The following HERC2 variants were observed in gnomAD, a reference collection of about 807,000 sequenced individuals.
HERC2 encodes the protein E3 ubiquitin-protein ligase HERC2.
In HERC2, 102 loss-of-function variants were observed where a neutral mutation model predicts 537.7. That is an observed-to-expected ratio of 0.19 (90% CI 0.16 to 0.22). HERC2 has a LOEUF of 0.22. Ranked by LOEUF, HERC2 falls within the 10% of genes least tolerant of loss-of-function variation. The probability of loss-of-function intolerance (pLI) is 1.00; values close to 1 mark genes in which losing one functional copy is unlikely to be tolerated. For synonymous variants in HERC2, 2,224 were observed against 2,466.2 expected (o/e 0.90, Z 2.91); for missense variants, 4,236 against 6,198.2 (o/e 0.68, Z 10.63).
In HERC2 at chr15:28,265,788, ATGC is replaced by A. The variant is rs760768806; in HGVS notation, c.1756+26_1756+28del. 1.2e-6 allele frequency: 2 copies of A among 1,614,120 alleles called. No homozygotes were observed. ...CCTGTAAGAGGCCACCTCCTGCTGC[ATGC>A]TCCCACTCATGCAGAGCAGACGTAC... On this transcript the variant is annotated intron_variant, in intron 13 of 92. Coordinates refer to ENST00000261609, the MANE Select transcript of HERC2 (RefSeq NM_004667.6). The surrounding 1 kb of genome is among the most constrained non-coding windows in gnomAD (Gnocchi z 4.0).
chr15:28,141,091 A>G (rs1385183348), intron 78 of HERC2, among the ~76,000 whole-genome samples: 1 of 151,892 alleles, frequency 6.6e-6, no homozygotes, highest in Non-Finnish European at 1.5e-5. Context: ...TACAAAAGTT[A>G]GCCAGGTGTG....
chr15:28,268,652 A>G lies in HERC2; in HGVS notation c.1447-36T>C. The G allele has an allele frequency of 6.3e-7, 1 of 1,582,080 alleles. No homozygotes were observed. The highest frequency in any genetic ancestry group is 1.7e-4 in the Middle Eastern group (1 of 5,984). ...AAAAATACGAAGAAAAGTAGTCATC[A>G]GTCCAAGGAAAATGAAACCAGCTCA... On this transcript the variant is annotated intron_variant, in intron 11 of 92. Coordinates refer to ENST00000261609, the MANE Select transcript of HERC2 (RefSeq NM_004667.6). The surrounding 1 kb of genome is among the most constrained non-coding windows in gnomAD (Gnocchi z 4.7).
At chr15:28,301,508 C>T (rs1300635877) in intron 2 of HERC2, among the ~76,000 whole-genome samples, 5 of 150,534 alleles carry the variant, frequency 3.3e-5, no homozygotes, top group Non-Finnish European at 7.4e-5. Flanking sequence ...AAATCAAAAA[C>T]GCCTTTGCTT....
At position 28,117,010 on chromosome 15, in the gene HERC2, C is replaced by T. The variant is rs369621267; in HGVS notation, c.13414+3G>A. On this transcript the variant is annotated splice_donor_region_variant and intron_variant, in intron 87 of 92. Transcript: ENST00000261609. ...GGTGCTCCAGCACGTGGCAAGTTCT[C>T]ACCCACAAACTTGACTTTCCAGACA... is the stretch of plus-strand genomic sequence containing the variant. 1.1e-5 allele frequency: 18 copies of T among 1,613,986 alleles called. No homozygotes were observed. Among genetic ancestry groups the T allele is most frequent in the Admixed American group, 6.7e-5 (4 of 59,994 alleles).
rs553354112 is a variant in HERC2, at chr15:28,154,009, C to A, written c.10747-1179G>T. Among the ~76,000 whole-genome samples the A allele has an allele frequency of 9.2e-5, 14 of 152,308 alleles. No individual in the cohort carries two copies. In the East Asian group the frequency reaches 2.7e-3, roughly 29 times the overall value. Reference sequence around the variant, plus strand: ...AGTACACTAGGGGTCAGACCCATACCACATTCTCAACAATCCACAGTGTTC... The same window carrying A: ...AGTACACTAGGGGTCAGACCCATACAACATTCTCAACAATCCACAGTGTTC... On this transcript the variant is annotated intron_variant, in intron 69 of 92. Coordinates refer to ENST00000261609, the MANE Select transcript of HERC2 (RefSeq NM_004667.6).
chr15:28,316,587 T>C (rs1398242407), intron 2 of HERC2, among the ~76,000 whole-genome samples: 2 of 152,220 alleles, frequency 1.3e-5, no homozygotes, highest in African/African-American at 2.4e-5. Flanking sequence ...AATTGTTCTA[T>C]TGAGGCACCA....
At chr15:28,315,929 G>C (rs1270418607) in intron 2 of HERC2, 35 of 416,854 alleles carry the variant, frequency 8.4e-5, no homozygotes, top group Non-Finnish European at 1.5e-4. Context: ...TCACCTCTGA[G>C]ACCCACCTTG....
rs761165110 is a variant in HERC2, at chr15:28,265,752, G to T, written c.1757-21C>A. 125 of 1,613,786 alleles carry T rather than the reference G, an allele frequency of 7.7e-5. 1 individual carries two copies. Among genetic ancestry groups the T allele is most frequent in the Non-Finnish European group, 1.0e-4 (121 of 1,179,818 alleles). ...GGAGCCTTCAAACAGATAGGACGGC[G>T]GTTACTAAGTCCTGTAAGAGGCCAC... On this transcript the variant is annotated intron_variant, in intron 13 of 92. Transcript: ENST00000261609. This position sits in a 1 kb window ranked among gnomAD's most constrained non-coding sequence, Gnocchi z 4.0.
chr15:28,216,900 G>C (rs540151283), intron 38 of HERC2, among the ~76,000 whole-genome samples: 31 of 151,544 alleles, frequency 2.0e-4, no homozygotes, highest in African/African-American at 7.5e-4. Context: ...CACTAGTAAC[G>C]ACCGATTACT....
intron 80 of HERC2, 94 bp downstream of exon 80, chr15:28,132,559 G>A: frequency 8.2e-7 from 1 of 1,214,652 alleles, no homozygotes; most frequent in Non-Finnish European, 1.1e-6. Flanking sequence ...AGAAGCCAAA[G>A]CATTTTTCAT....
intron 16 of HERC2, among the ~76,000 whole-genome samples, chr15:28,258,021 AAGAG>A (rs1261481283): frequency 6.6e-6 from 1 of 152,146 alleles, no homozygotes; most frequent in Non-Finnish European, 1.5e-5. Context: ...AATGTTCACT[AAGAG>A]AGAACATATC....
intron 2 of HERC2, among the ~76,000 whole-genome samples, chr15:28,309,073 C>T (rs536709110): frequency 6.6e-6 from 1 of 152,294 alleles, no homozygotes; most frequent in African/African-American, 2.4e-5. Flanking sequence ...ATTTTGTGGC[C>T]TAACATACGG....
intron 19 of HERC2, among the ~76,000 whole-genome samples, chr15:28,254,987 C>T (rs1256490936): frequency 2.0e-5 from 3 of 152,184 alleles, no homozygotes; most frequent in Non-Finnish European, 4.4e-5. Context: ...AAAAGGAGAA[C>T]ATATGTTCAC....
At position 28,144,142 on chromosome 15, in the gene HERC2, G is replaced by T; in HGVS notation, c.11234C>A (p.Ser3745Tyr). 6.2e-7 allele frequency: 1 copy of T among 1,614,224 alleles called. No individual in the cohort carries two copies. Among genetic ancestry groups the T allele is most frequent in the Non-Finnish European group, 8.5e-7 (1 of 1,180,056 alleles). ...AAGGCGAGGGACGATGCTTCTGTTA[G>T]AGGCAAGGTTGAGTCGGAAGTCTAA... is the stretch of plus-strand genomic sequence containing the variant. ...CLLDFRLNLASNRSIVPRLAA... is the reference protein window; with the variant it reads ...CLLDFRLNLAYNRSIVPRLAA... The change falls in exon 73 of 93, where the codon TCT (serine) becomes TAT (tyrosine). Residue 3745 changes from serine to tyrosine, a missense_variant. Coordinates refer to ENST00000261609, the MANE Select transcript of HERC2 (RefSeq NM_004667.6).
intron 81 of HERC2, among the ~76,000 whole-genome samples, chr15:28,131,474 C>G (rs1835936510): frequency 6.6e-6 from 1 of 152,216 alleles, no homozygotes; most frequent in Non-Finnish European, 1.5e-5. Flanking sequence ...GGTGTGCATG[C>G]ACTGAGGTCA....
chr15:28,210,172 C>T (rs562791701), intron 44 of HERC2, among the ~76,000 whole-genome samples: 24 of 151,958 alleles, frequency 1.6e-4, no homozygotes, highest in Admixed American at 6.6e-4. Flanking sequence ...CTTGCTCTGT[C>T]GTCCAGGCTG....
intron 3 of HERC2, 142 bp downstream of exon 3, chr15:28,299,260 G>C: frequency 2.1e-6 from 1 of 473,996 alleles, no homozygotes; most frequent in East Asian, 3.3e-5. Flanking sequence ...TACCATTTTA[G>C]ACAACAATCT....
intron 39 of HERC2, 144 bp from the exon 40 acceptor site, chr15:28,214,946 C>T: frequency 1.5e-6 from 1 of 652,094 alleles, no homozygotes; most frequent in Non-Finnish European, 2.6e-6. Flanking sequence ...GGTCTCGGCT[C>T]ACTACAAACT....
At chr15:28,300,996 G>A (rs2076608347) in intron 2 of HERC2, among the ~76,000 whole-genome samples, 2 of 151,570 alleles carry the variant, frequency 1.3e-5, no homozygotes, top group African/African-American at 2.4e-5. Context: ...ATCTGACAGC[G>A]GCACCCAGAT....
Sources: gnomAD v4.1 joint callset for allele counts (sites outside exome capture counted in the v4.1 genomes callset) on GRCh38, gnomAD v4.1.1 for gene constraint, Gnocchi (gnomAD v3.1) non-coding constraint, MANE v1.5 for transcripts, NCBI Gene and HGNC (gene_info 2026-07-23, HGNC 2026-07-21) for gene names.